Variants in KCTD16 observed in about 807,000 individuals in gnomAD.
KCTD16 encodes potassium channel tetramerization domain containing 16, also known as BTB/POZ domain-containing protein KCTD16.
KCTD16 carries 13 observed loss-of-function variants against 33.2 expected under a neutral mutation model. That is an observed-to-expected ratio of 0.39 (90% CI 0.25 to 0.62). The LOEUF is 0.62. Ranked by LOEUF, KCTD16 falls within the 20% of genes least tolerant of loss-of-function variation. KCTD16 has a pLI of 0.50. For synonymous variants in KCTD16, 197 were observed against 195.3 expected (o/e 1.01, Z -0.07); for missense variants, 441 against 525.1 (o/e 0.84, Z 1.57).
chr5:144,457,680 T>C (rs564872777), intron 3 of KCTD16, among the ~76,000 whole-genome samples: 1 of 152,356 alleles, frequency 6.6e-6, no homozygotes, highest in South Asian at 2.1e-4. Context: ...ATAACAGGGA[T>C]ACCAATTTTA....
chr5:144,462,378 C>A (rs1754216632), intron 3 of KCTD16, among the ~76,000 whole-genome samples: 1 of 152,106 alleles, frequency 6.6e-6, no homozygotes, highest in Admixed American at 6.6e-5. Flanking sequence ...TGCAGAAGAT[C>A]TTCCACCACC....
intron 3 of KCTD16, among the ~76,000 whole-genome samples, chr5:144,332,732 C>T (rs777011203): frequency 1.3e-5 from 2 of 152,132 alleles, no homozygotes; most frequent in Non-Finnish European, 2.9e-5. Flanking sequence ...TAACACTTGG[C>T]ATCCTTCAAA....
intron 3 of KCTD16, among the ~76,000 whole-genome samples, chr5:144,408,742 A>C (rs1752867454): frequency 6.6e-6 from 1 of 151,860 alleles, no homozygotes; most frequent in Non-Finnish European, 1.5e-5. Flanking sequence ...CCTGCCTGTG[A>C]CTCCAACTTT....
At chr5:144,203,999 G>A (rs1402105486) in intron 2 of KCTD16, among the ~76,000 whole-genome samples, 1 of 152,112 alleles carries the variant, frequency 6.6e-6, no homozygotes, top group Admixed American at 6.5e-5. Context: ...TAATGATTGA[G>A]GCCAGAACAG....
intron 3 of KCTD16, among the ~76,000 whole-genome samples, chr5:144,311,343 G>A (rs1326539290): frequency 6.6e-6 from 1 of 152,184 alleles, no homozygotes; most frequent in Non-Finnish European, 1.5e-5. Context: ...TGAAGATTAT[G>A]TGAGTCATTA....
At chr5:144,357,014 C>G (rs1751585094) in intron 3 of KCTD16, among the ~76,000 whole-genome samples, 2 of 152,162 alleles carry the variant, frequency 1.3e-5, no homozygotes, top group South Asian at 2.1e-4. Flanking sequence ...TTCATGGAAA[C>G]AGTAATACTT....
At chr5:144,267,155 A>G (rs1187317425) in intron 3 of KCTD16, among the ~76,000 whole-genome samples, 1 of 152,222 alleles carries the variant, frequency 6.6e-6, no homozygotes, top group Non-Finnish European at 1.5e-5. Flanking sequence ...GCCAAAGATG[A>G]TGGTTCCTTA....
At position 144,206,597 on chromosome 5, in the gene KCTD16, C is replaced by A. The variant is rs1753178817; in HGVS notation, c.-118C>A. ...GAAAAATACTGGGATAAGAGGAGGT[C>A]ATTTTTTAATAAGTTAGCATCCTTT... On this transcript the variant is annotated 5_prime_UTR_variant, in exon 3 of 4. Transcript: ENST00000512467. 4 of 850,146 alleles carry A rather than the reference C, an allele frequency of 4.7e-6. No homozygotes were observed. Among genetic ancestry groups the A allele is most frequent in the Admixed American group, 2.8e-5 (1 of 35,946 alleles). 52.7% of individuals were successfully genotyped at this position (850,146 alleles called of 1,614,324 possible). A position where few individuals can be genotyped will look rare whatever the true frequency, so the allele number is the denominator to read the frequency against.
chr5:144,267,879 C>T (rs180937338), intron 3 of KCTD16, among the ~76,000 whole-genome samples: 18 of 152,174 alleles, frequency 1.2e-4, no homozygotes, highest in Admixed American at 9.2e-4. Flanking sequence ...CAGGGAATTT[C>T]CCCCAACAAA....
chr5:144,472,992 C>T (rs1754511648), intron 3 of KCTD16, among the ~76,000 whole-genome samples: 1 of 152,204 alleles, frequency 6.6e-6, no homozygotes, highest in South Asian at 2.1e-4. Flanking sequence ...TGGCAAGTTT[C>T]TCAAACTCTT....
At chr5:144,383,297 C>A (rs1336781036) in intron 3 of KCTD16, among the ~76,000 whole-genome samples, 1 of 152,178 alleles carries the variant, frequency 6.6e-6, no homozygotes, top group Non-Finnish European at 1.5e-5. Flanking sequence ...GTAGAGCTGA[C>A]ATTTCTCTGC....
intron 2 of KCTD16, among the ~76,000 whole-genome samples, chr5:144,179,015 CA>C (rs1355625021): frequency 2.6e-5 from 4 of 152,174 alleles, no homozygotes; most frequent in Admixed American, 6.5e-5. Flanking sequence ...ACTGGCTACA[CA>C]TATTAAGAAT....
chr5:144,293,799 T>A (rs1293206754), intron 3 of KCTD16, among the ~76,000 whole-genome samples: 2 of 152,234 alleles, frequency 1.3e-5, no homozygotes, highest in Non-Finnish European at 2.9e-5. Context: ...TTGCATATAA[T>A]GTTGAATGCT....
At chr5:144,259,630 A>G (rs1452979179) in intron 3 of KCTD16, among the ~76,000 whole-genome samples, 3 of 152,204 alleles carry the variant, frequency 2.0e-5, no homozygotes, top group Non-Finnish European at 4.4e-5. Context: ...AGAGAAAGAT[A>G]TATTTTCTTA....
intron 3 of KCTD16, among the ~76,000 whole-genome samples, chr5:144,246,376 A>C (rs1246957814): frequency 3.9e-5 from 6 of 152,220 alleles, no homozygotes; most frequent in Non-Finnish European, 4.4e-5. Flanking sequence ...TTAGGATACA[A>C]ATAAGGGAAA....
chr5:144,466,823 A>G lies in KCTD16; in HGVS notation c.833-6837A>G, dbSNP rs183991922. On this transcript the variant is annotated intron_variant, in intron 3 of 3. Coordinates refer to ENST00000512467, the MANE Select transcript of KCTD16 (RefSeq NM_020768.4). ...TATTACAAATTCACCATTCACTAATAGGATTATTGTGAAGATAAAATTATG... is the reference window on the plus strand; with the variant it reads ...TATTACAAATTCACCATTCACTAATGGGATTATTGTGAAGATAAAATTATG... 2.0e-3 allele frequency among the ~76,000 whole-genome samples: 296 copies of G among 151,428 alleles called. 1 individual carries two copies. Among genetic ancestry groups the G allele is most frequent in the African/African-American group, 6.8e-3 (282 of 41,334 alleles).
intron 3 of KCTD16, among the ~76,000 whole-genome samples, chr5:144,283,340 G>T (rs903177774): frequency 2.0e-5 from 3 of 152,140 alleles, no homozygotes; most frequent in African/African-American, 7.2e-5. Context: ...GTTGCCTTAT[G>T]CATGCTGTCT....
At position 144,485,291 on chromosome 5, in the gene KCTD16, A is replaced by ATAAATATAT. The variant is rs1754782112; in HGVS notation, c.*11177_*11178insTAAATATAT. The ATAAATATAT allele has an allele frequency of 6.6e-6, 1 of 152,076 alleles. No individual in the cohort carries two copies. The highest frequency in any genetic ancestry group is 2.1e-4 in the South Asian group (1 of 4,832). The allele number at this position is 152,076 out of a possible 1,614,324, so 9.4% of individuals were successfully genotyped here. ...GCCTATAGATGGAACAGCCCTGAGC[A>ATAAATATAT]ACATATAAATATATACATACATATC... On this transcript the variant is annotated 3_prime_UTR_variant, in exon 4 of 4. Transcript: ENST00000512467.
chr5:144,400,344 G>T (rs1752674909), intron 3 of KCTD16, among the ~76,000 whole-genome samples: 1 of 152,154 alleles, frequency 6.6e-6, no homozygotes, highest in South Asian at 2.1e-4. Flanking sequence ...GAGGAAGGAG[G>T]TGGTTAGCTA....
Sources: gnomAD v4.1 joint callset for allele counts (sites outside exome capture counted in the v4.1 genomes callset) on GRCh38, gnomAD v4.1.1 for gene constraint, MANE v1.5 for transcripts, NCBI Gene and HGNC (gene_info 2026-07-23, HGNC 2026-07-21) for gene names.